TAF1A: variants seen among roughly 807,000 people sequenced by gnomAD.
The protein encoded by TAF1A is TATA-box binding protein associated factor, RNA polymerase I subunit A, also known as TATA box-binding protein-associated factor RNA polymerase I subunit A.
In TAF1A, 42 loss-of-function variants were observed where a neutral mutation model predicts 61.6. That is an observed-to-expected ratio of 0.68 (90% confidence interval 0.53 to 0.88). The LOEUF (loss-of-function observed/expected upper bound fraction) is 0.88. Among genes scored for constraint, TAF1A ranks in the 40% least tolerant of loss-of-function variants. TAF1A has a pLI of 0.00. For synonymous variants in TAF1A, 179 were observed against 177.7 expected (o/e 1.01, Z -0.06); for missense variants, 424 against 518.7 (o/e 0.82, Z 1.77).
Position 222,564,863 on chromosome 1 carries a change from T to C in TAF1A, c.895-738A>G, listed in dbSNP as rs1660056763. ...TTTGTTAATTTCTCTTAATCATTTT[T>C]AAAAAGATCAATCAAGATCAATACA... is the stretch of plus-strand genomic sequence containing the variant. On this transcript the variant is annotated intron_variant, in intron 7 of 10. Transcript: ENST00000352967. 2.0e-5 allele frequency among the ~76,000 whole-genome samples: 3 copies of C among 152,334 alleles called. No individual in the cohort carries two copies. The South Asian group carries it at 6.2e-4, about 32-fold the overall frequency.
chr1:222,586,324 A>G (rs1002449908), intron 2 of TAF1A, among the ~76,000 whole-genome samples: 3 of 152,250 alleles, frequency 2.0e-5, no homozygotes, highest in Admixed American at 2.0e-4. Context: ...ATTTACCTAA[A>G]GGAGAGAACT....
At chr1:222,561,175 T>C (rs1241158201) in intron 10 of TAF1A, among the ~76,000 whole-genome samples, 189 bp downstream of exon 10, 8 of 152,152 alleles carry the variant, frequency 5.3e-5, no homozygotes, top group Admixed American at 5.2e-4. Flanking sequence ...TCACAATCAA[T>C]ATGAAATCAC....
intron 7 of TAF1A, among the ~76,000 whole-genome samples, chr1:222,564,786 A>G (rs1032710857): frequency 2.0e-5 from 3 of 152,204 alleles, no homozygotes; most frequent in Non-Finnish European, 4.4e-5. Context: ...TCTGCTTACT[A>G]AAGTACTTTG....
chr1:222,576,738 A>G (rs2102664461), intron 5 of TAF1A, among the ~76,000 whole-genome samples: 1 of 152,374 alleles, frequency 6.6e-6, no homozygotes. Flanking sequence ...CTGAGAAATA[A>G]CATTACAAAG....
chr1:222,570,161 T>C (rs2102651154), intron 6 of TAF1A, among the ~76,000 whole-genome samples: 1 of 152,326 alleles, frequency 6.6e-6, no homozygotes, highest in Non-Finnish European at 1.5e-5. Context: ...CAGGACATTC[T>C]TATGAACTTC....
chr1:222,581,020 C>T (rs1265725744), intron 3 of TAF1A, among the ~76,000 whole-genome samples: 1 of 152,016 alleles, frequency 6.6e-6, no homozygotes, highest in African/African-American at 2.4e-5. Flanking sequence ...GGCGTCGTGG[C>T]GGGAGGCGGA....
chr1:222,572,063 G>A lies in TAF1A; in HGVS notation c.605-1398C>T, dbSNP rs1196119046. Among the ~76,000 whole-genome samples, 11 of 151,798 alleles carry A rather than the reference G, an allele frequency of 7.2e-5. No homozygotes were observed. The East Asian group carries it at 1.9e-3, about 27-fold the overall frequency. On this transcript the variant is annotated intron_variant, in intron 5 of 10. Transcript: ENST00000352967. Reference sequence around the variant, plus strand: ...GAAACCCCGTCTCTACTAAAAGTACGAAAAAATTAGCTGGGCGTGGTGGCA... The same window carrying A: ...GAAACCCCGTCTCTACTAAAAGTACAAAAAAATTAGCTGGGCGTGGTGGCA...
At chr1:222,570,770 C>G in intron 5 of TAF1A, 105 bp from the exon 6 acceptor site, 2 of 1,048,570 alleles carry the variant, frequency 1.9e-6, no homozygotes, top group Non-Finnish European at 2.7e-6. Context: ...TTGCTGATAG[C>G]TACAACAGTA....
intron 3 of TAF1A, among the ~76,000 whole-genome samples, chr1:222,583,398 TG>T (rs1660871763): frequency 7.0e-6 from 1 of 143,162 alleles, no homozygotes; most frequent in Admixed American, 7.2e-5. Context: ...AAGTGGGTGA[TG>T]GCGTATAAAA....
rs777389133 is a variant in TAF1A, at chr1:222,569,427, A to C, written c.894+83T>G. On this transcript the variant is annotated intron_variant, in intron 7 of 10. Coordinates refer to ENST00000352967, the MANE Select transcript of TAF1A (RefSeq NM_005681.4). ...ATTATTGAAATTTTCTGTAGATGCT[A>C]TAAAAGTTAGAAAGCAATGGCCTAA... The C allele has an allele frequency of 1.9e-6, 3 of 1,610,586 alleles. No individual in the cohort carries two copies. In the African/African-American group the frequency reaches 4.0e-5, roughly 22 times the overall value.
chr1:222,556,434 A>G (rs907777168), downstream of TAF1A, among the ~76,000 whole-genome samples: 2 of 152,176 alleles, frequency 1.3e-5, no homozygotes, highest in African/African-American at 4.8e-5. Context: ...GATCTTTGGA[A>G]CCACATTGAT....
intron 5 of TAF1A, among the ~76,000 whole-genome samples, chr1:222,576,291 G>A (rs569073391): frequency 6.6e-6 from 1 of 152,302 alleles, no homozygotes; most frequent in South Asian, 2.1e-4. Flanking sequence ...GCATTTCAGA[G>A]TATCTTGAAA....
intron 2 of TAF1A, 28 bp from the exon 3 acceptor site, chr1:222,584,325 T>G: frequency 6.4e-7 from 1 of 1,562,650 alleles, no homozygotes; most frequent in South Asian, 1.2e-5. Context: ...AAGAGAGTTT[T>G]TATCCAAGTG....
chr1:222,586,147 A>G (rs1406863552), intron 2 of TAF1A, among the ~76,000 whole-genome samples: 1 of 152,168 alleles, frequency 6.6e-6, no homozygotes, highest in Non-Finnish European at 1.5e-5. Flanking sequence ...GGCATGCAGC[A>G]GAAGTATCAC....
intron 1 of TAF1A, among the ~76,000 whole-genome samples, chr1:222,588,888 TAAG>T (rs1353670965): frequency 6.6e-6 from 1 of 152,132 alleles, no homozygotes; most frequent in Non-Finnish European, 1.5e-5. Flanking sequence ...AAAAGTACAG[TAAG>T]AATAGAAGTA....
Position 222,577,488 on chromosome 1 carries a change from C to A in TAF1A, c.561G>T (p.Gln187His). 6.2e-7 allele frequency: 1 copy of A among 1,613,950 alleles called. No homozygotes were observed. ...NLIQAYKGLL[Q>H]YYTWSEKKME... ...TCTTCTTTTCAGACCAGGTATAATA[C>A]TGTAAAAGCCCTTTATAGGCCTGAA... The change falls in exon 5 of 11, where the codon CAG becomes CAT. Residue 187 changes from glutamine to histidine, a missense_variant. By Grantham distance (24) the Gln-to-His change is conservative. Transcript: ENST00000352967.
At chr1:222,589,105 C>G (rs1477581727) in intron 1 of TAF1A, among the ~76,000 whole-genome samples, 2 of 152,140 alleles carry the variant, frequency 1.3e-5, no homozygotes, top group Non-Finnish European at 2.9e-5. Context: ...CACCAAACTA[C>G]TTGGCATGAC....
At chr1:222,555,354 T>C (rs1571785895), downstream of TAF1A, among the ~76,000 whole-genome samples, 1 of 152,154 alleles carries the variant, frequency 6.6e-6, no homozygotes, top group South Asian at 2.1e-4. Context: ...AAAGATAGGG[T>C]TTATAAAATT....
chr1:222,579,988 C>T, intron 3 of TAF1A, 116 bp from the exon 4 acceptor site: 1 of 1,205,190 alleles, frequency 8.3e-7, no homozygotes, highest in Non-Finnish European at 1.1e-6. Flanking sequence ...TTCCAGAGAC[C>T]ACTACCGTCA....
Sources: gnomAD v4.1 joint callset for allele counts (sites outside exome capture counted in the v4.1 genomes callset) on GRCh38, gnomAD v4.1.1 for gene constraint, MANE v1.5 for transcripts, NCBI Gene and HGNC (gene_info 2026-07-23, HGNC 2026-07-21) for gene names.